Variants in KCNQ1 observed in about 807,000 individuals in gnomAD.
KCNQ1 encodes potassium voltage-gated channel subfamily KQT member 1.
Under a neutral mutation model 72.4 loss-of-function variants are expected in KCNQ1, and 49 were observed. The ratio of observed to expected loss-of-function variants is 0.68; its 90% CI spans 0.54 to 0.86. KCNQ1 has a LOEUF of 0.86. KCNQ1 is among the 40% of genes least tolerant of loss of function. The pLI is 0.00. For missense variants in KCNQ1, 790 were observed against 945.1 expected (o/e 0.84, Z 2.15); for synonymous variants, 450 against 412.6 (o/e 1.09, Z -1.10).
intron 15 of KCNQ1, among the ~76,000 whole-genome samples, chr11:2,788,580 C>G (rs1374025574): frequency 2.7e-5 from 4 of 149,566 alleles, no homozygotes; most frequent in Admixed American, 6.6e-5. Context: ...CCCAACACTC[C>G]TCTCTCTGCT....
intron 10 of KCNQ1, chr11:2,643,895 T>G (rs1849620420): frequency 2.5e-6 from 1 of 398,436 alleles, no homozygotes; most frequent in Admixed American, 4.4e-5. Context: ...GTTTTTGGTT[T>G]TGTTTTTTCT....
chr11:2,755,068 C>G (rs1846278617), intron 11 of KCNQ1, among the ~76,000 whole-genome samples: 1 of 152,168 alleles, frequency 6.6e-6, no homozygotes, highest in African/African-American at 2.4e-5. Flanking sequence ...GGCTAGAGGT[C>G]CTAGGGGAGG....
chr11:2,657,911 T>C lies in KCNQ1; in HGVS notation c.1394-4050T>C, dbSNP rs915473105. 1.8e-5 allele frequency: 7 copies of C among 398,516 alleles called. No homozygotes were observed. Among genetic ancestry groups the C allele is most frequent in the African/African-American group, 1.2e-4 (6 of 48,644 alleles). The allele number at this position is 398,516 out of a possible 1,614,324, so 24.7% of individuals were successfully genotyped here. ...GAGATGCTTTCCTCATTGTGGAACA[T>C]GACATCAACATGGTTTATCACTGGT... On this transcript the variant is annotated intron_variant, in intron 10 of 15. Transcript: ENST00000155840. This position sits in a 1 kb window ranked among gnomAD's most constrained non-coding sequence, Gnocchi z 4.8.
rs202126830 is a variant in KCNQ1 at position 2,830,945 on chromosome 11, G to A, written c.1795-16822G>A. Among the ~76,000 whole-genome samples, 12 of 152,220 alleles carry A rather than the reference G, an allele frequency of 7.9e-5. No individual in the cohort carries two copies. Among genetic ancestry groups the A allele is most frequent in the African/African-American group, 1.4e-4 (6 of 41,452 alleles). On this transcript the variant is annotated intron_variant, in intron 15 of 15. Transcript: ENST00000155840. This position sits in a 1 kb window ranked among gnomAD's most constrained non-coding sequence, Gnocchi z 7.7. ...CGCAAGGGTACCCTTGGGAGACCCC[G>A]TGCAGGTCTTGTCAAGGCAGGACAG...
chr11:2,780,927 G>A (rs1340090321), intron 15 of KCNQ1, among the ~76,000 whole-genome samples: 2 of 152,158 alleles, frequency 1.3e-5, no homozygotes, highest in African/African-American at 2.4e-5. Context: ...TACCTTGCAG[G>A]ACGTCCCCAT....
intron 15 of KCNQ1, among the ~76,000 whole-genome samples, chr11:2,836,278 G>T (rs1236864533): frequency 6.6e-6 from 1 of 152,204 alleles, no homozygotes; most frequent in Non-Finnish European, 1.5e-5. Context: ...AAAGCAGGGA[G>T]AAGGGTCTGG....
In KCNQ1 at chr11:2,483,225, G is replaced by T. The variant is rs1375375135; in HGVS notation, c.386+37741G>T. Among the ~76,000 whole-genome samples, 1 of 152,158 alleles carries T rather than the reference G, an allele frequency of 6.6e-6. No individual in the cohort carries two copies. The highest frequency in any genetic ancestry group is 1.5e-5 in the Non-Finnish European group (1 of 68,020). ...GAGATAGGACGGGAGGGCCACGAGGGTTAAGATCCTGAGAGCAATGCGGGG... is the reference window on the plus strand; with the variant it reads ...GAGATAGGACGGGAGGGCCACGAGGTTTAAGATCCTGAGAGCAATGCGGGG... On this transcript the variant is annotated intron_variant, in intron 1 of 15. Coordinates refer to ENST00000155840, the MANE Select transcript of KCNQ1 (RefSeq NM_000218.3). The surrounding 1 kb of genome is among the most constrained non-coding windows in gnomAD (Gnocchi z 6.1).
chr11:2,576,730 G>A (rs1848428715), intron 6 of KCNQ1, among the ~76,000 whole-genome samples: 2 of 152,256 alleles, frequency 1.3e-5, no homozygotes, highest in African/African-American at 4.8e-5. Context: ...GTGCAGGGGT[G>A]TGCGTGAGGG....
intron 11 of KCNQ1, among the ~76,000 whole-genome samples, chr11:2,728,603 GC>G (rs751036936): frequency 4.9e-4 from 75 of 152,326 alleles, no homozygotes; most frequent in Non-Finnish European, 8.8e-4. Context: ...GAGCGTGAGG[GC>G]ACGGGGCCTG....
Position 2,654,271 on chromosome 11 carries a change from AGGGCTTTGGT to A in KCNQ1, c.1394-7688_1394-7679del. On this transcript the variant is annotated intron_variant, in intron 10 of 15. Transcript: ENST00000155840. This position sits in a 1 kb window ranked among gnomAD's most constrained non-coding sequence, Gnocchi z 6.4. ...TTCTCCTTCACAGTGCAGGATCCGC[AGGGCTTTGGT>A]GAATCCACTGAGAGGGGGAGATTTC... The A allele has an allele frequency of 2.5e-6, 1 of 398,504 alleles. No homozygotes were observed. The highest frequency in any genetic ancestry group is 4.4e-6 in the Non-Finnish European group (1 of 226,162). 24.7% of individuals were successfully genotyped at this position (398,504 alleles called of 1,614,324 possible).
chr11:2,695,976 C>T lies in KCNQ1; in HGVS notation c.1514+33895C>T. On this transcript the variant is annotated intron_variant, in intron 11 of 15. Coordinates refer to ENST00000155840, the MANE Select transcript of KCNQ1 (RefSeq NM_000218.3). This position sits in a 1 kb window ranked among gnomAD's most constrained non-coding sequence, Gnocchi z 5.2. Reference sequence around the variant, plus strand: ...CCTCAGCTTTAATTGTTTCAAATATCTTGTAATGAGTCATGGCAAAGTTAC... The same window carrying T: ...CCTCAGCTTTAATTGTTTCAAATATTTTGTAATGAGTCATGGCAAAGTTAC... The T allele has an allele frequency of 7.5e-6, 3 of 398,544 alleles. No homozygotes were observed. The highest frequency in any genetic ancestry group is 1.3e-5 in the Non-Finnish European group (3 of 226,054). 24.7% of individuals were successfully genotyped at this position (398,544 alleles called of 1,614,324 possible).
chr11:2,800,676 C>A (rs1847244519), intron 15 of KCNQ1, among the ~76,000 whole-genome samples: 1 of 152,202 alleles, frequency 6.6e-6, no homozygotes, highest in Admixed American at 6.5e-5. Flanking sequence ...CCCAGCTTAT[C>A]ATTGTGTAAA....
At chr11:2,771,723 G>A (rs1846602753) in intron 12 of KCNQ1, 1 of 152,210 alleles carries the variant, frequency 6.6e-6, no homozygotes, top group South Asian at 2.1e-4. Context: ...CAAAAAGAGA[G>A]AGAGGGAGAG....
rs1394249737 is a variant in KCNQ1, at chr11:2,673,583, T to C, written c.1514+11502T>C. 1.5e-5 allele frequency: 6 copies of C among 398,628 alleles called. No homozygotes were observed. Among genetic ancestry groups the C allele is most frequent in the Non-Finnish European group, 2.7e-5 (6 of 226,144 alleles). 24.7% of individuals were successfully genotyped at this position (398,628 alleles called of 1,614,324 possible). On this transcript the variant is annotated intron_variant, in intron 11 of 15. Transcript: ENST00000155840. The surrounding 1 kb of genome is among the most constrained non-coding windows in gnomAD (Gnocchi z 4.5). ...CATGCAGGTGGAAGACCCTATTACTTGGGCTAAAGAGAAGCTAAACGTGAC... is the reference window on the plus strand; with the variant it reads ...CATGCAGGTGGAAGACCCTATTACTCGGGCTAAAGAGAAGCTAAACGTGAC...
At chr11:2,709,008 G>T (rs888453512) in intron 11 of KCNQ1, among the ~76,000 whole-genome samples, 2 of 152,052 alleles carry the variant, frequency 1.3e-5, no homozygotes, top group African/African-American at 4.8e-5. Flanking sequence ...ATGTTTAAAA[G>T]AGCTGAGGGG....
At chr11:2,487,937 C>G (rs1846769227) in intron 1 of KCNQ1, among the ~76,000 whole-genome samples, 1 of 152,068 alleles carries the variant, frequency 6.6e-6, no homozygotes, top group South Asian at 2.1e-4. Flanking sequence ...AGTGGTCACC[C>G]TGGCCTTATT....
Position 2,711,952 on chromosome 11 carries a change from C to T in KCNQ1, c.1514+49871C>T, listed in dbSNP as rs1056053686. Among the ~76,000 whole-genome samples the T allele has an allele frequency of 6.6e-6, 1 of 152,042 alleles. No individual in the cohort carries two copies. Among genetic ancestry groups the T allele is most frequent in the African/African-American group, 2.4e-5 (1 of 41,396 alleles). On this transcript the variant is annotated intron_variant, in intron 11 of 15. Coordinates refer to ENST00000155840, the MANE Select transcript of KCNQ1 (RefSeq NM_000218.3). The surrounding 1 kb of genome is among the most constrained non-coding windows in gnomAD (Gnocchi z 5.4). ...GCTCACCTGCTCACCTGTGTCCATC[C>T]CCTTGGGCAGCACACAGCCAAGTCC... is the stretch of plus-strand genomic sequence containing the variant.
intron 6 of KCNQ1, among the ~76,000 whole-genome samples, chr11:2,577,770 G>A (rs971081910): frequency 3.9e-5 from 6 of 152,036 alleles, no homozygotes; most frequent in Non-Finnish European, 7.4e-5. Context: ...GCGGCCCCAC[G>A]GGGGCTGGGC....
Position 2,691,808 on chromosome 11 carries a change from C to G in KCNQ1, c.1514+29727C>G, listed in dbSNP as rs1261926426. The G allele has an allele frequency of 7.5e-6, 3 of 398,562 alleles. No homozygotes were observed. The highest frequency in any genetic ancestry group is 1.3e-5 in the Non-Finnish European group (3 of 226,128). The allele number at this position is 398,562 out of a possible 1,614,324, so 24.7% of individuals were successfully genotyped here. A position where few individuals can be genotyped will look rare whatever the true frequency, so the allele number is the denominator to read the frequency against. On this transcript the variant is annotated intron_variant, in intron 11 of 15. Transcript: ENST00000155840. The surrounding 1 kb of genome is among the most constrained non-coding windows in gnomAD (Gnocchi z 6.4). ...CTGCCAGCAATCAGAGAATCACAAG[C>G]ACTGGATCCAATGTGACCTCTGCCA...
Sources: gnomAD v4.1 joint callset for allele counts (sites outside exome capture counted in the v4.1 genomes callset) on GRCh38, gnomAD v4.1.1 for gene constraint, Gnocchi (gnomAD v3.1) non-coding constraint, MANE v1.5 for transcripts, NCBI Gene and HGNC (gene_info 2026-07-23, HGNC 2026-07-21) for gene names.